LRMDA: variants seen among roughly 807,000 people sequenced by gnomAD.
LRMDA encodes the protein leucine-rich melanocyte differentiation-associated protein.
In LRMDA, 18 loss-of-function variants were observed where a neutral mutation model predicts 29.8. The observed-to-expected ratio is 0.60, with a 90% CI of 0.42 to 0.90. The LOEUF (loss-of-function observed/expected upper bound fraction) is 0.90, where lower values mean the gene tolerates loss of function less well. LRMDA is among the 40% of genes least tolerant of loss of function. LRMDA has a pLI of 0.00. For missense variants in LRMDA, 273 were observed against 273.9 expected, an observed-to-expected ratio of 1.00 and a Z score of 0.02; for synonymous variants, 125 against 109.4, an observed-to-expected ratio of 1.14 and a Z score of -0.89.
chr10:76,542,369 A>G (rs559134908), intron 6 of LRMDA, among the ~76,000 whole-genome samples: 40 of 152,366 alleles, frequency 2.6e-4, no homozygotes, highest in African/African-American at 9.4e-4. Flanking sequence ...AGAGAATATG[A>G]AATGGATATT....
intron 2 of LRMDA, among the ~76,000 whole-genome samples, chr10:75,495,059 C>G (rs1476286155): frequency 6.6e-6 from 1 of 152,212 alleles, no homozygotes; most frequent in African/African-American, 2.4e-5. Context: ...TGTAAGGCCA[C>G]ACCTAGCTGC....
chr10:75,666,553 G>A (rs1450608995), intron 2 of LRMDA, among the ~76,000 whole-genome samples: 2 of 152,010 alleles, frequency 1.3e-5, no homozygotes, highest in Non-Finnish European at 2.9e-5. Flanking sequence ...TTAGTGTCAA[G>A]TCACTAACTA....
At chr10:76,211,408 C>T (rs1244114142) in intron 5 of LRMDA, among the ~76,000 whole-genome samples, 1 of 152,224 alleles carries the variant, frequency 6.6e-6, no homozygotes, top group Non-Finnish European at 1.5e-5. Flanking sequence ...TTGAGTCTTT[C>T]TTCCACTCTG....
At chr10:75,901,565 T>C (rs1007511636) in intron 2 of LRMDA, among the ~76,000 whole-genome samples, 2 of 152,084 alleles carry the variant, frequency 1.3e-5, no homozygotes, top group African/African-American at 2.4e-5. Context: ...AACAAAGAAA[T>C]GTCATGTGAA....
At chr10:75,998,876 C>T (rs1728287573) in intron 2 of LRMDA, among the ~76,000 whole-genome samples, 1 of 152,212 alleles carries the variant, frequency 6.6e-6, no homozygotes, top group African/African-American at 2.4e-5. Flanking sequence ...ACGTCTAGGA[C>T]CTTGGCTGTT....
chr10:75,558,777 T>G (rs1402765878), intron 2 of LRMDA, among the ~76,000 whole-genome samples: 1 of 147,950 alleles, frequency 6.8e-6, no homozygotes, highest in East Asian at 2.0e-4. Context: ...TGAGAACATG[T>G]GGTGTTTGGT....
At chr10:76,113,878 C>T (rs1220098258) in intron 5 of LRMDA, among the ~76,000 whole-genome samples, 1 of 152,188 alleles carries the variant, frequency 6.6e-6, no homozygotes, top group Non-Finnish European at 1.5e-5. Context: ...AGCATTGTGC[C>T]CTCCTCTCTT....
chr10:76,002,012 A>G (rs568345408), intron 2 of LRMDA, among the ~76,000 whole-genome samples: 1 of 152,282 alleles, frequency 6.6e-6, no homozygotes, highest in Admixed American at 6.5e-5. Context: ...GGCTGCCATA[A>G]AAAAATACTG....
chr10:75,865,844 G>T (rs544442009), intron 2 of LRMDA, among the ~76,000 whole-genome samples: 1 of 152,186 alleles, frequency 6.6e-6, no homozygotes, highest in East Asian at 1.9e-4. Context: ...GTTATTCACT[G>T]AAAGCTGAAG....
In LRMDA at chr10:76,166,635, C is replaced by A. The variant is rs550356391; in HGVS notation, c.516+107852C>A. Among the ~76,000 whole-genome samples, 10 of 152,326 alleles carry A rather than the reference C, an allele frequency of 6.6e-5. No individual in the cohort carries two copies. In the East Asian group the frequency reaches 1.9e-3, roughly 29 times the overall value. Reference sequence around the variant, plus strand: ...GCCTCCAGCTTCATCCATGTTCCTGCAGAGGACATGATCTTGTTCTTTTTT... The same window carrying A: ...GCCTCCAGCTTCATCCATGTTCCTGAAGAGGACATGATCTTGTTCTTTTTT... On this transcript the variant is annotated intron_variant, in intron 5 of 6. Coordinates refer to ENST00000611255, the MANE Select transcript of LRMDA (RefSeq NM_001305581.2).
intron 2 of LRMDA, among the ~76,000 whole-genome samples, chr10:75,695,339 T>G (rs1307523413): frequency 2.6e-5 from 4 of 152,188 alleles, no homozygotes; most frequent in Non-Finnish European, 5.9e-5. Flanking sequence ...ACAATTGCTT[T>G]AATTTTACCC....
At chr10:75,821,153 T>A (rs7911991) in intron 2 of LRMDA, among the ~76,000 whole-genome samples, 63,052 of 151,996 alleles carry the variant, frequency 0.41, 13,841 homozygotes, top group South Asian at 0.55. Flanking sequence ...AATCCTTCCT[T>A]ACTCATTCTA....
intron 5 of LRMDA, among the ~76,000 whole-genome samples, chr10:76,065,561 G>A (rs912661065): frequency 7.9e-5 from 12 of 152,318 alleles, no homozygotes; most frequent in African/African-American, 2.2e-4. Flanking sequence ...CCACATGCTC[G>A]CTGCTGTCCA....
intron 2 of LRMDA, among the ~76,000 whole-genome samples, chr10:75,476,140 C>G (rs1844788980): frequency 6.6e-6 from 1 of 152,206 alleles, no homozygotes; most frequent in African/African-American, 2.4e-5. Context: ...TGGTGTGATC[C>G]AAGTCTTGTT....
chr10:75,814,998 C>A (rs1417850843), intron 2 of LRMDA, among the ~76,000 whole-genome samples: 2 of 152,118 alleles, frequency 1.3e-5, no homozygotes, highest in African/African-American at 2.4e-5. Flanking sequence ...AAGCTTGTAC[C>A]CATTGGTTTT....
At chr10:75,498,866 G>A (rs143035500) in intron 2 of LRMDA, among the ~76,000 whole-genome samples, 3 of 152,240 alleles carry the variant, frequency 2.0e-5, no homozygotes, top group African/African-American at 7.2e-5. Flanking sequence ...GGCCTTCCAC[G>A]AATCCTCTCC....
intron 2 of LRMDA, among the ~76,000 whole-genome samples, chr10:75,847,340 T>C (rs570844251): frequency 6.6e-6 from 1 of 152,328 alleles, no homozygotes; most frequent in African/African-American, 2.4e-5. Context: ...CTTCATATTA[T>C]ATACAAAAAT....
chr10:75,541,951 A>T (rs748107317), intron 2 of LRMDA, among the ~76,000 whole-genome samples: 11 of 152,224 alleles, frequency 7.2e-5, no homozygotes, highest in Non-Finnish European at 1.5e-4. Context: ...AAGAAAAATT[A>T]TCTTGATAAA....
At position 75,747,327 on chromosome 10, in the gene LRMDA, C is replaced by T. The variant is rs546082812; in HGVS notation, c.132-288681C>T. On this transcript the variant is annotated intron_variant, in intron 2 of 6. Coordinates refer to ENST00000611255, the MANE Select transcript of LRMDA (RefSeq NM_001305581.2). Reference sequence around the variant, plus strand: ...CCTGTCTTCTAAAATAAAATACAGCCGCTAAGAGATTTAATTATGGTATTA... The same window carrying T: ...CCTGTCTTCTAAAATAAAATACAGCTGCTAAGAGATTTAATTATGGTATTA... Among the ~76,000 whole-genome samples the T allele has an allele frequency of 7.2e-5, 11 of 152,056 alleles. No individual in the cohort carries two copies. In the South Asian group the frequency reaches 1.9e-3, roughly 26 times the overall value.
Sources: allele counts gnomAD v4.1 joint callset (sites outside exome capture counted in the v4.1 genomes callset), GRCh38; gene constraint gnomAD v4.1.1; transcripts MANE v1.5; gene names NCBI Gene and HGNC (gene_info 2026-07-23, HGNC 2026-07-21).